BTBD9: variants seen among roughly 807,000 people sequenced by gnomAD.
BTBD9 encodes BTB domain containing 9, also known as BTB/POZ domain-containing protein 9.
Under a neutral mutation model 64.3 loss-of-function variants are expected in BTBD9, and 49 were observed. That is an observed-to-expected ratio of 0.76 (90% CI 0.61 to 0.97). The LOEUF (loss-of-function observed/expected upper bound fraction) is 0.97. Ranked by LOEUF, BTBD9 falls within the 50% of genes least tolerant of loss-of-function variation. The probability of loss-of-function intolerance (pLI) is 0.00; values close to 1 mark genes in which losing one functional copy is unlikely to be tolerated. For synonymous variants in BTBD9, 260 were observed against 274.7 expected (o/e 0.95, Z 0.53); for missense variants, 598 against 762.1 (o/e 0.78, Z 2.53).
Position 38,477,607 on chromosome 6 carries a change from G to A in BTBD9, c.1154+99993C>T, listed in dbSNP as rs528009587. 2.6e-5 allele frequency among the ~76,000 whole-genome samples: 4 copies of A among 152,240 alleles called. No homozygotes were observed. In the South Asian group the frequency reaches 8.3e-4, roughly 32 times the overall value. On this transcript the variant is annotated intron_variant, in intron 6 of 10. Transcript: ENST00000481247. The stretch of plus-strand genomic sequence containing the variant: ...TTATTGCCAATTCTCACATTTTACT[G>A]AGCTAACGAGCAGTATCTATATTTG...
chr6:38,598,870 T>C (rs1188984804), intron 1 of BTBD9, among the ~76,000 whole-genome samples: 4 of 152,092 alleles, frequency 2.6e-5, no homozygotes, highest in South Asian at 2.1e-4. Flanking sequence ...TGAGTCGAGA[T>C]GGCGCCATTG....
intron 9 of BTBD9, among the ~76,000 whole-genome samples, chr6:38,211,071 A>G (rs1762816002): frequency 6.6e-6 from 1 of 152,202 alleles, no homozygotes; most frequent in African/African-American, 2.4e-5. Context: ...CTCTTTAGGT[A>G]CAAAGATTTT....
At chr6:38,232,274 CTT>C (rs990677793) in intron 9 of BTBD9, among the ~76,000 whole-genome samples, 33 of 140,652 alleles carry the variant, frequency 2.3e-4, no homozygotes, top group Admixed American at 2.8e-4. Flanking sequence ...TCTCTGTTTT[CTT>C]TTTTTTTTTT....
At position 38,179,785 on chromosome 6, in the gene BTBD9, C is replaced by T. The variant is rs1016374269; in HGVS notation, c.1642-4603G>A. 7 of 456,760 alleles carry T rather than the reference C, an allele frequency of 1.5e-5. No homozygotes were observed. In the East Asian group the frequency reaches 2.8e-4, roughly 18 times the overall value. The allele number at this position is 456,760 out of a possible 1,614,324, so 28.3% of individuals were successfully genotyped here. On this transcript the variant is annotated intron_variant, in intron 10 of 10. Coordinates refer to ENST00000481247, the MANE Select transcript of BTBD9 (RefSeq NM_001099272.2). ...AGCACGGGATCAGTAATATTTCATA[C>T]ATCAGAGGTGTGTGAGAAACTAATT...
At chr6:38,319,121 G>A (rs1333278218) in intron 7 of BTBD9, among the ~76,000 whole-genome samples, 3 of 152,134 alleles carry the variant, frequency 2.0e-5, no homozygotes, top group Admixed American at 2.0e-4. Flanking sequence ...AGTTTGTGGT[G>A]TATGCTGCCA....
At chr6:38,597,807 A>C in intron 2 of BTBD9, 103 bp downstream of exon 2, 2 of 974,524 alleles carry the variant, frequency 2.1e-6, no homozygotes, top group Non-Finnish European at 3.1e-6. Flanking sequence ...GAGAGACTGC[A>C]AGACTTTGTC....
At chr6:38,500,052 A>C (rs1254847916) in intron 6 of BTBD9, among the ~76,000 whole-genome samples, 1 of 152,208 alleles carries the variant, frequency 6.6e-6, no homozygotes, top group Non-Finnish European at 1.5e-5. Context: ...CTTGTCTGCT[A>C]ACCTTCCCCT....
intron 7 of BTBD9, among the ~76,000 whole-genome samples, chr6:38,343,561 C>A (rs1469238540): frequency 6.6e-6 from 1 of 152,108 alleles, no homozygotes; most frequent in African/African-American, 2.4e-5. Context: ...AGAGCCTGGA[C>A]AACAGGTGAA....
chr6:38,563,610 G>A (rs1302737785), intron 6 of BTBD9, among the ~76,000 whole-genome samples: 2 of 151,928 alleles, frequency 1.3e-5, no homozygotes, highest in Admixed American at 1.3e-4. Flanking sequence ...CACACATGCA[G>A]ACCTGTACGA....
intron 6 of BTBD9, among the ~76,000 whole-genome samples, chr6:38,442,731 G>A (rs1192602633): frequency 1.4e-5 from 2 of 139,426 alleles, no homozygotes; most frequent in African/African-American, 5.3e-5. Context: ...GTGCAATGGT[G>A]CAATCTCGGC....
chr6:38,187,407 T>C lies in BTBD9; in HGVS notation c.1641+5112A>G, dbSNP rs1480240332. On this transcript the variant is annotated intron_variant, in intron 10 of 10. Transcript: ENST00000481247. ...GAAGGACCTCCTTGGCCACAGGCAGTGGGGACAATCAGATGCATGGAAACA... is the reference window on the plus strand; with the variant it reads ...GAAGGACCTCCTTGGCCACAGGCAGCGGGGACAATCAGATGCATGGAAACA... Among the ~76,000 whole-genome samples, 70 of 151,980 alleles carry C rather than the reference T, an allele frequency of 4.6e-4. 3 individuals carry two copies. Among genetic ancestry groups the C allele is most frequent in the Non-Finnish European group, 1.9e-4 (13 of 67,960 alleles).
intron 9 of BTBD9, among the ~76,000 whole-genome samples, chr6:38,193,660 A>G (rs1000143168): frequency 2.6e-5 from 4 of 152,214 alleles, no homozygotes; most frequent in African/African-American, 4.8e-5. Flanking sequence ...GTAAACTCCA[A>G]TAATATTTTC....
intron 8 of BTBD9, among the ~76,000 whole-genome samples, chr6:38,261,150 T>C (rs1324488170): frequency 6.6e-6 from 1 of 152,018 alleles, no homozygotes; most frequent in Non-Finnish European, 1.5e-5. Flanking sequence ...AGTCTCCAAC[T>C]CCTGGCCTTA....
intron 4 of BTBD9, chr6:38,588,509 C>A: frequency 2.4e-6 from 2 of 850,580 alleles, no homozygotes; most frequent in Non-Finnish European, 3.6e-6. Flanking sequence ...CTATACCAAA[C>A]CTGGACCTGG....
intron 6 of BTBD9, among the ~76,000 whole-genome samples, chr6:38,450,534 T>G (rs968613502): frequency 4.6e-5 from 7 of 152,018 alleles, no homozygotes; most frequent in African/African-American, 1.7e-4. Context: ...ACAAACAATT[T>G]TATGGGTCAA....
intron 6 of BTBD9, among the ~76,000 whole-genome samples, chr6:38,431,379 C>A (rs1353247769): frequency 6.6e-6 from 1 of 152,206 alleles, no homozygotes; most frequent in Non-Finnish European, 1.5e-5. Flanking sequence ...GGCATTAATA[C>A]ATTTAATTTT....
chr6:38,191,127 T>C (rs925655070), intron 10 of BTBD9, among the ~76,000 whole-genome samples: 1 of 152,248 alleles, frequency 6.6e-6, no homozygotes, highest in African/African-American at 2.4e-5. Flanking sequence ...ACTTTTATAG[T>C]TTTCAGATTT....
At chr6:38,330,452 T>G (rs1258811227) in intron 7 of BTBD9, among the ~76,000 whole-genome samples, 1 of 152,072 alleles carries the variant, frequency 6.6e-6, no homozygotes, top group African/African-American at 2.4e-5. Flanking sequence ...CTTGGGAGGC[T>G]GAGGTGAGAG....
chr6:38,301,708 C>T (rs1256770767), intron 7 of BTBD9, among the ~76,000 whole-genome samples: 1 of 151,848 alleles, frequency 6.6e-6, no homozygotes, highest in African/African-American at 2.4e-5. Context: ...TGGTGATATC[C>T]CCTTCGTCAT....
Sources: allele counts gnomAD v4.1 joint callset (sites outside exome capture counted in the v4.1 genomes callset), GRCh38; gene constraint gnomAD v4.1.1; transcripts MANE v1.5; gene names NCBI Gene and HGNC (gene_info 2026-07-23, HGNC 2026-07-21).